The following PRELID2 variants were observed in gnomAD, a reference collection of about 807,000 sequenced individuals.
PRELID2 encodes PRELI domain-containing protein 2.
A neutral mutation model predicts 28.4 loss-of-function variants in PRELID2; 25 were observed. The ratio of observed to expected loss-of-function variants is 0.88; its 90% CI spans 0.64 to 1.23. The LOEUF (loss-of-function observed/expected upper bound fraction) is 1.23, where lower values mean the gene tolerates loss of function less well. Among genes scored for constraint, PRELID2 ranks in the 50% most tolerant of loss-of-function variants. PRELID2 has a pLI of 0.00. For synonymous variants in PRELID2, 76 were observed against 71.6 expected, an observed-to-expected ratio of 1.06 and a Z score of -0.31; for missense variants, 201 against 214.4, an observed-to-expected ratio of 0.94 and a Z score of 0.39.
At chr5:145,447,298 C>A in the PRELID2 span, among the ~76,000 whole-genome samples, 1 of 151,758 alleles carries the variant, frequency 6.6e-6, no homozygotes, top group Admixed American at 6.6e-5. Context: ...GATAATTCAC[C>A]TGGCTTAACC....
chr5:145,703,335 T>C (rs1423914292), intron 1 of PRELID2, among the ~76,000 whole-genome samples: 1 of 152,262 alleles, frequency 6.6e-6, no homozygotes, highest in Non-Finnish European at 1.5e-5. Flanking sequence ...ATACCCTTGA[T>C]GTCTCATCTT....
At chr5:145,329,690 T>C in the PRELID2 span, among the ~76,000 whole-genome samples, 1 of 152,200 alleles carries the variant, frequency 6.6e-6, no homozygotes, top group Non-Finnish European at 1.5e-5. Context: ...GCTTAGATGA[T>C]AGGGTTTTCT....
the PRELID2 span, among the ~76,000 whole-genome samples, chr5:145,250,125 T>C: frequency 3.1e-3 from 467 of 152,226 alleles, 1 homozygote; most frequent in African/African-American, 0.01. Flanking sequence ...TTGGATAAGG[T>C]TTTGTGTTCT....
At chr5:145,302,728 A>G in the PRELID2 span, among the ~76,000 whole-genome samples, 1 of 152,114 alleles carries the variant, frequency 6.6e-6, no homozygotes, top group African/African-American at 2.4e-5. Context: ...TTAAAATAGT[A>G]TATAAGTATA....
chr5:145,398,494 C>G, the PRELID2 span, among the ~76,000 whole-genome samples: 1 of 152,078 alleles, frequency 6.6e-6, no homozygotes, highest in Non-Finnish European at 1.5e-5. Flanking sequence ...ATCCCTAAAC[C>G]CTCTGCATAC....
the PRELID2 span, among the ~76,000 whole-genome samples, chr5:145,439,090 T>C: frequency 6.6e-6 from 1 of 152,120 alleles, no homozygotes; most frequent in Non-Finnish European, 1.5e-5. Context: ...TTTACTTGTG[T>C]CCCCACTTCT....
intron 1 of PRELID2, among the ~76,000 whole-genome samples, chr5:145,535,173 T>TA (rs1016128620): frequency 2.0e-5 from 3 of 152,084 alleles, no homozygotes; most frequent in African/African-American, 7.2e-5. Flanking sequence ...TTAAACTTGT[T>TA]AAAAATTACA....
chr5:145,547,331 C>A (rs146319171), intron 1 of PRELID2, among the ~76,000 whole-genome samples: 1 of 152,078 alleles, frequency 6.6e-6, no homozygotes, highest in Non-Finnish European at 1.5e-5. Flanking sequence ...CCAGGCTGGT[C>A]GGTGGTGTCC....
intron 1 of PRELID2, among the ~76,000 whole-genome samples, chr5:145,748,049 A>G (rs1757037150): frequency 6.6e-6 from 1 of 152,228 alleles, no homozygotes; most frequent in Admixed American, 6.5e-5. Context: ...CAAAGCCAAT[A>G]TCATATTGAA....
At chr5:145,418,508 C>G in the PRELID2 span, among the ~76,000 whole-genome samples, 1 of 152,062 alleles carries the variant, frequency 6.6e-6, no homozygotes, top group African/African-American at 2.4e-5. Context: ...CTACAGTAAC[C>G]AAAACAGCAT....
At chr5:145,743,131 G>C (rs4264988) in intron 1 of PRELID2, among the ~76,000 whole-genome samples, 1 of 151,980 alleles carries the variant, frequency 6.6e-6, no homozygotes, top group Non-Finnish European at 1.5e-5. Context: ...GAATCTGGCC[G>C]GGCGCGGTGG....
At chr5:145,823,722 G>C (rs902327124) in intron 1 of PRELID2, among the ~76,000 whole-genome samples, 1 of 152,158 alleles carries the variant, frequency 6.6e-6, no homozygotes, top group African/African-American at 2.4e-5. Context: ...AGTCATAGAA[G>C]TATGCTTTGC....
intron 1 of PRELID2, among the ~76,000 whole-genome samples, chr5:145,588,034 T>C (rs1041314362): frequency 6.6e-6 from 1 of 152,186 alleles, no homozygotes; most frequent in Non-Finnish European, 1.5e-5. Flanking sequence ...AGCCTCATGC[T>C]GCCAGATGAA....
intron 1 of PRELID2, among the ~76,000 whole-genome samples, chr5:145,597,961 G>A (rs182999776): frequency 6.6e-6 from 1 of 152,260 alleles, no homozygotes; most frequent in Non-Finnish European, 1.5e-5. Context: ...ATCAAAACCA[G>A]ATAGTAAACG....
the PRELID2 span, among the ~76,000 whole-genome samples, chr5:145,445,158 G>A: frequency 3.9e-5 from 6 of 151,998 alleles, no homozygotes; most frequent in Non-Finnish European, 8.8e-5. Flanking sequence ...AAACAAAAGA[G>A]CATGACACTG....
the PRELID2 span, among the ~76,000 whole-genome samples, chr5:145,293,014 A>G: frequency 6.6e-6 from 1 of 152,018 alleles, no homozygotes; most frequent in Non-Finnish European, 1.5e-5. Context: ...AACCACCATG[A>G]TCATTCTCCA....
At chr5:145,689,173 C>A (rs947966928) in intron 1 of PRELID2, among the ~76,000 whole-genome samples, 3 of 152,082 alleles carry the variant, frequency 2.0e-5, no homozygotes, top group African/African-American at 7.2e-5. Context: ...AGCTGCCTGG[C>A]TGGTGCTTAT....
At chr5:145,425,429 C>T in the PRELID2 span, among the ~76,000 whole-genome samples, 1 of 152,168 alleles carries the variant, frequency 6.6e-6, no homozygotes, top group Non-Finnish European at 1.5e-5. Flanking sequence ...GAATATAAAT[C>T]ATTCTATTAT....
chr5:145,687,075 G>A (rs983387037), intron 1 of PRELID2, among the ~76,000 whole-genome samples: 3 of 152,082 alleles, frequency 2.0e-5, no homozygotes, highest in Non-Finnish European at 4.4e-5. Context: ...CTCAGACTTG[G>A]AGATGCTAAA....
Sources: allele counts gnomAD v4.1 joint callset (sites outside exome capture counted in the v4.1 genomes callset), GRCh38; gene constraint gnomAD v4.1.1; transcripts MANE v1.5; gene names NCBI Gene and HGNC (gene_info 2026-07-23, HGNC 2026-07-21).